CELSR1: variants seen among roughly 807,000 people sequenced by gnomAD.
The protein encoded by CELSR1 is cadherin EGF LAG seven-pass G-type receptor 1, also known as adhesion G protein-coupled receptor C1.
A neutral mutation model predicts 249.1 loss-of-function variants in CELSR1; 110 were observed. That is an observed-to-expected ratio of 0.44 (90% confidence interval 0.38 to 0.52). The LOEUF is 0.52. CELSR1 is among the 20% of genes least tolerant of loss of function. CELSR1 has a pLI of 0.00. For missense variants in CELSR1, 4,109 were observed against 4,296.4 expected (o/e 0.96, Z 1.22); for synonymous variants, 2,113 against 1,900.0 (o/e 1.11, Z -2.92).
chr22:46,394,299 G>A, intron 13 of CELSR1, 37 bp from the exon 14 acceptor site: 3 of 1,594,696 alleles, frequency 1.9e-6, no homozygotes, highest in Non-Finnish European at 2.6e-6. Context: ...GAAGGTTTAT[G>A]TAACTGTGCT....
intron 1 of CELSR1, among the ~76,000 whole-genome samples, chr22:46,521,321 C>G (rs1430069064): frequency 6.6e-6 from 1 of 151,992 alleles, no homozygotes; most frequent in Admixed American, 6.6e-5. Flanking sequence ...GCCTAACACA[C>G]AGTGAAATCC....
At position 46,488,481 on chromosome 22, in the gene CELSR1, T is replaced by C. The variant is rs1426702453; in HGVS notation, c.3545-24136A>G. On this transcript the variant is annotated intron_variant, in intron 1 of 34. Transcript: ENST00000674500. The surrounding 1 kb of genome is among the most constrained non-coding windows in gnomAD (Gnocchi z 4.7). The stretch of plus-strand genomic sequence containing the variant: ...CGTGCCAGTGAGCTCAGTGGGACGG[T>C]TCGGCAGGAACACGGCTTGAACCCA... Among the ~76,000 whole-genome samples, 3 of 152,064 alleles carry C rather than the reference T, an allele frequency of 2.0e-5. No individual in the cohort carries two copies. The highest frequency in any genetic ancestry group is 2.9e-5 in the Non-Finnish European group (2 of 68,002).
rs1293397710 is a variant in CELSR1, at chr22:46,473,244, G to A, written c.3545-8899C>T. On this transcript the variant is annotated intron_variant, in intron 1 of 34. Coordinates refer to ENST00000674500, the MANE Select transcript of CELSR1 (RefSeq NM_001378328.1). The surrounding 1 kb of genome is among the most constrained non-coding windows in gnomAD (Gnocchi z 6.6). ...ACCAAGGCACAAAGAAGCTGAATGT[G>A]CCTGGTAAGGTGACTCGGGCTGAGT... 1.3e-5 allele frequency among the ~76,000 whole-genome samples: 2 copies of A among 152,174 alleles called. No individual in the cohort carries two copies. Among genetic ancestry groups the A allele is most frequent in the Non-Finnish European group, 2.9e-5 (2 of 68,036 alleles).
intron 1 of CELSR1, among the ~76,000 whole-genome samples, chr22:46,528,611 T>C (rs1274042711): frequency 2.0e-5 from 3 of 152,310 alleles, no homozygotes; most frequent in Admixed American, 6.5e-5. Context: ...GGTACATATA[T>C]ACCATGGTGT....
At chr22:46,459,312 C>T (rs1206744584) in intron 2 of CELSR1, among the ~76,000 whole-genome samples, 1 of 152,160 alleles carries the variant, frequency 6.6e-6, no homozygotes, top group African/African-American at 2.4e-5. Flanking sequence ...GGTCAGGTTT[C>T]TTGTGGGGAA....
Position 46,410,352 on chromosome 22 carries a change from C to T in CELSR1, c.4933+46G>A. 1 of 1,595,384 alleles carries T rather than the reference C, an allele frequency of 6.3e-7. No homozygotes were observed. Among genetic ancestry groups the T allele is most frequent in the Non-Finnish European group, 8.6e-7 (1 of 1,165,700 alleles). On this transcript the variant is annotated intron_variant, in intron 7 of 34. Coordinates refer to ENST00000674500, the MANE Select transcript of CELSR1 (RefSeq NM_001378328.1). The surrounding 1 kb of genome is among the most constrained non-coding windows in gnomAD (Gnocchi z 6.8). ...CCTCTGTGTGGCTGCCGACGTCCAG[C>T]CAGATGCCACTGCGGCAGCTCCGAC...
chr22:46,444,615 CTTTT>C lies in CELSR1; in HGVS notation c.4184-5208_4184-5205del, dbSNP rs1263364983. 2.6e-5 allele frequency among the ~76,000 whole-genome samples: 4 copies of C among 152,304 alleles called. 1 individual carries two copies. The East Asian group carries it at 7.7e-4, about 29-fold the overall frequency. On this transcript the variant is annotated intron_variant, in intron 2 of 34. Transcript: ENST00000674500. ...TTAATGCGGAGTTGTATTTGCTTTG[CTTTT>C]TGTTTGTTTTCATTTTCAGAAAGTA... is the stretch of plus-strand genomic sequence containing the variant.
rs533774364 is a variant in CELSR1 at position 46,442,853 on chromosome 22, A to G, written c.4184-3442T>C. Among the ~76,000 whole-genome samples the G allele has an allele frequency of 1.2e-3, 180 of 152,154 alleles. 1 individual carries two copies. Among genetic ancestry groups the G allele is most frequent in the African/African-American group, 4.2e-3 (174 of 41,498 alleles). ...ACGCCTGTAATCCCAGCATTTTGGG[A>G]GGCCAAGGCGGGAGGATCATGAGAT... On this transcript the variant is annotated intron_variant, in intron 2 of 34. Coordinates refer to ENST00000674500, the MANE Select transcript of CELSR1 (RefSeq NM_001378328.1).
At chr22:46,489,732 G>A (rs1010831277) in intron 1 of CELSR1, among the ~76,000 whole-genome samples, 1 of 151,932 alleles carries the variant, frequency 6.6e-6, no homozygotes, top group African/African-American at 2.4e-5. Context: ...GGCCAACATG[G>A]TGAAACCCCA....
At position 46,518,367 on chromosome 22, in the gene CELSR1, C is replaced by T. The variant is rs566670939; in HGVS notation, c.3544+15260G>A. ...CACACTCAGTCTCGTTAGAGGAGAA[C>T]GAAGGGAGTGGGCTCCCACAGACCA... On this transcript the variant is annotated intron_variant, in intron 1 of 34. Coordinates refer to ENST00000674500, the MANE Select transcript of CELSR1 (RefSeq NM_001378328.1). This position sits in a 1 kb window ranked among gnomAD's most constrained non-coding sequence, Gnocchi z 5.2. 7.4e-4 allele frequency among the ~76,000 whole-genome samples: 113 copies of T among 152,326 alleles called. No homozygotes were observed. The highest frequency in any genetic ancestry group is 2.7e-3 in the Admixed American group (42 of 15,302).
rs191504133 is a variant in CELSR1, at chr22:46,373,075, G to A, written c.7585-18C>T. ...CACAGAAACTGCGCAGGGAGGGGCCGCTCAGCAAGGGCCCCTGCATCCCAG... is the reference window on the plus strand; with the variant it reads ...CACAGAAACTGCGCAGGGAGGGGCCACTCAGCAAGGGCCCCTGCATCCCAG... On this transcript the variant is annotated intron_variant, in intron 24 of 34. Coordinates refer to ENST00000674500, the MANE Select transcript of CELSR1 (RefSeq NM_001378328.1). 1.3e-5 allele frequency: 21 copies of A among 1,568,252 alleles called. No homozygotes were observed. The highest frequency in any genetic ancestry group is 1.7e-4 in the Middle Eastern group (1 of 5,906).
chr22:46,375,319 C>G (rs1367051995), intron 24 of CELSR1, among the ~76,000 whole-genome samples: 1 of 152,138 alleles, frequency 6.6e-6, no homozygotes, highest in East Asian at 1.9e-4. Flanking sequence ...GACCCTGCCT[C>G]TCAATGGGTG....
Position 46,417,574 on chromosome 22 carries a change from CG to C in CELSR1, c.4612-5816del, listed in dbSNP as rs2079417657. On this transcript the variant is annotated intron_variant, in intron 5 of 34. Transcript: ENST00000674500. This position sits in a 1 kb window ranked among gnomAD's most constrained non-coding sequence, Gnocchi z 4.1. Reference sequence around the variant, plus strand: ...AAGCCCAACTGAGCCACTGGGCCACCGGGTGGGGAGGGCAGCTCCACACTAT... The same window carrying C: ...AAGCCCAACTGAGCCACTGGGCCACCGGTGGGGAGGGCAGCTCCACACTAT... Among the ~76,000 whole-genome samples, 1 of 152,172 alleles carries C rather than the reference CG, an allele frequency of 6.6e-6. No individual in the cohort carries two copies. The highest frequency in any genetic ancestry group is 1.5e-5 in the Non-Finnish European group (1 of 68,028).
At position 46,428,978 on chromosome 22, in the gene CELSR1, C is replaced by A. The variant is rs185645240; in HGVS notation, c.4611+4415G>T. ...GAGCCACCCTTGCTTCCCCAGGGCCCCGTTAAACATCTTGCTGGCACGTCT... is the reference window on the plus strand; with the variant it reads ...GAGCCACCCTTGCTTCCCCAGGGCCACGTTAAACATCTTGCTGGCACGTCT... On this transcript the variant is annotated intron_variant, in intron 5 of 34. Transcript: ENST00000674500. The surrounding 1 kb of genome is among the most constrained non-coding windows in gnomAD (Gnocchi z 5.7). Among the ~76,000 whole-genome samples, 905 of 152,276 alleles carry A rather than the reference C, an allele frequency of 5.9e-3. 14 individuals are homozygous for A. Among genetic ancestry groups the A allele is most frequent in the Non-Finnish European group, 7.0e-3 (475 of 68,008 alleles).
rs2080742535 is a variant in CELSR1 at position 46,526,735 on chromosome 22, T to G, written c.3544+6892A>C. 6.6e-6 allele frequency among the ~76,000 whole-genome samples: 1 copy of G among 152,198 alleles called. No individual in the cohort carries two copies. Among genetic ancestry groups the G allele is most frequent in the Non-Finnish European group, 1.5e-5 (1 of 68,040 alleles). ...AGACTGTTCCCCACCCAGGAGGCTA[T>G]TCGGGCCATGGCTCCTCAAGGCTGG... On this transcript the variant is annotated intron_variant, in intron 1 of 34. Coordinates refer to ENST00000674500, the MANE Select transcript of CELSR1 (RefSeq NM_001378328.1). The surrounding 1 kb of genome is among the most constrained non-coding windows in gnomAD (Gnocchi z 4.7).
In CELSR1 at chr22:46,404,669, A is replaced by G. The variant is rs539839482; in HGVS notation, c.5226+4327T>C. On this transcript the variant is annotated intron_variant, in intron 9 of 34. Coordinates refer to ENST00000674500, the MANE Select transcript of CELSR1 (RefSeq NM_001378328.1). ...ACACCTGGCTAATTTTTGTATTTTTAGTAGAAACAAGGTTTCTCCATGATG... is the reference window on the plus strand; with the variant it reads ...ACACCTGGCTAATTTTTGTATTTTTGGTAGAAACAAGGTTTCTCCATGATG... Among the ~76,000 whole-genome samples, 51 of 152,288 alleles carry G rather than the reference A, an allele frequency of 3.3e-4. 1 individual carries two copies. Among genetic ancestry groups the G allele is most frequent in the Admixed American group, 1.2e-3 (18 of 15,298 alleles).
chr22:46,365,464 C>T (rs755992651), intron 31 of CELSR1, 84 bp from the exon 32 acceptor site: 1 of 1,571,380 alleles, frequency 6.4e-7, no homozygotes, highest in Non-Finnish European at 8.6e-7. Context: ...CACTGGGCCC[C>T]TGGCATGCTG....
intron 23 of CELSR1, among the ~76,000 whole-genome samples, chr22:46,378,129 T>C (rs977351909): frequency 1.3e-5 from 2 of 152,198 alleles, no homozygotes; most frequent in African/African-American, 4.8e-5. Context: ...GGTTAAACAT[T>C]AGCCGCCCAG....
At chr22:46,366,545 G>C (rs2078784739) in intron 29 of CELSR1, 65 bp from the exon 30 acceptor site, 1 of 1,297,330 alleles carries the variant, frequency 7.7e-7, no homozygotes. Flanking sequence ...CACGGGGAAT[G>C]ACTCTGTCCC....
Sources: allele counts gnomAD v4.1 joint callset (sites outside exome capture counted in the v4.1 genomes callset), GRCh38; gene constraint gnomAD v4.1.1; non-coding constraint Gnocchi (gnomAD v3.1); transcripts MANE v1.5; gene names NCBI Gene and HGNC (gene_info 2026-07-23, HGNC 2026-07-21).